The following ZFX variants were observed in gnomAD, a reference collection of about 807,000 sequenced individuals.
ZFX encodes the protein zinc finger X-chromosomal protein.
For synonymous variants in ZFX, 196 were observed against 226.8 expected (o/e 0.86, Z 1.22); for missense variants, 362 against 628.3 (o/e 0.58, Z 4.53).
Position 24,211,553 on chromosome X carries a change from G to A in ZFX, c.*177G>A. ...TACATTTTGCTCAGTAGTGTGTTCT[G>A]AATTCTATTCAGTTTGTTTAATAAA... On this transcript the variant is annotated 3_prime_UTR_variant, in exon 10 of 10. Transcript: ENST00000304543. 2 of 517,284 alleles carry A rather than the reference G, an allele frequency of 3.9e-6. No homozygotes were observed. Among genetic ancestry groups the A allele is most frequent in the Non-Finnish European group, 6.0e-6 (2 of 331,059 alleles). 42.6% of individuals were successfully genotyped at this position (517,284 alleles called of 1,213,427 possible).
chrX:24,162,154 G>A (rs1248348703), intron 3 of ZFX, among the ~76,000 whole-genome samples: 1 of 111,649 alleles, frequency 9.0e-6, no homozygotes, highest in Non-Finnish European at 1.9e-5. Context: ...CTTGAACCTG[G>A]GAGGCAGAGG....
rs1193235446 is a variant in ZFX, at chrX:24,213,915, T to G, written c.*2539T>G. The G allele has an allele frequency of 3.6e-5, 4 of 111,134 alleles. No individual in the cohort carries two copies. The highest frequency in any genetic ancestry group is 1.3e-4 in the African/African-American group (4 of 30,488). 9.2% of individuals were successfully genotyped at this position (111,134 alleles called of 1,213,427 possible). ...GATTGGGTCATTTAACTATATTTTT[T>G]TAAATAAACTGAAAGATAAAGAACA... On this transcript the variant is annotated 3_prime_UTR_variant, in exon 10 of 10. Transcript: ENST00000304543.
chrX:24,215,098 C>T lies in ZFX; in HGVS notation c.*3722C>T, dbSNP rs1179293869. On this transcript the variant is annotated 3_prime_UTR_variant, in exon 10 of 10. Coordinates refer to ENST00000304543, the MANE Select transcript of ZFX (RefSeq NM_003410.4). ...ATAAATTAAAATTTTAGGTAAATGA[C>T]GAAGGGAATGTGGTGAATGTCACTG... 1.8e-5 allele frequency: 2 copies of T among 111,511 alleles called. No homozygotes were observed. The highest frequency in any genetic ancestry group is 6.5e-5 in the African/African-American group (2 of 30,663). 9.2% of individuals were successfully genotyped at this position (111,511 alleles called of 1,213,427 possible). A position where few individuals can be genotyped will look rare whatever the true frequency, so the allele number is the denominator to read the frequency against.
rs760993473 is a variant in ZFX at position 24,210,740 on chromosome X, T to C, written c.1782T>C (p.His594=). 2.5e-6 allele frequency: 3 copies of C among 1,211,787 alleles called. No homozygotes were observed. Among genetic ancestry groups the C allele is most frequent in the East Asian group, 3.0e-5 (1 of 33,848 alleles). The change falls in exon 10 of 10, where the codon CAT becomes CAC. Residue 594 remains histidine, a synonymous_variant. Transcript: ENST00000304543. ...RSADSSNLKT[H]VKTKHSKEMP... ...CAGACTCTTCTAACTTGAAAACGCA[T>C]GTCAAAACTAAGCATAGTAAAGAGA... is the stretch of plus-strand genomic sequence containing the variant.
chrX:24,195,498 G>A (rs2147891702), intron 5 of ZFX, among the ~76,000 whole-genome samples: 1 of 110,978 alleles, frequency 9.0e-6, no homozygotes, highest in South Asian at 3.9e-4. Context: ...GACTACAGAT[G>A]CCCACCACCA....
chrX:24,161,327 A>G (rs1348297437), intron 3 of ZFX, among the ~76,000 whole-genome samples: 1 of 112,352 alleles, frequency 8.9e-6, no homozygotes, highest in Non-Finnish European at 1.9e-5. Context: ...ATTCAGTGCA[A>G]TCGCAATAAA....
At chrX:24,171,904 AGGAGAGAGAGAGAGAG>A (rs1287522015) in intron 3 of ZFX, among the ~76,000 whole-genome samples, 18 of 97,287 alleles carry the variant, frequency 1.9e-4, no homozygotes, top group African/African-American at 6.0e-4. Context: ...CAGAGAGAGA[AGGAGAGAGAGAGAGAG>A]AGAGAGAGAG....
rs1932343404 is a variant in ZFX, at chrX:24,152,843, T to A, written c.-29+13T>A. The A allele has an allele frequency of 8.9e-6, 1 of 112,647 alleles. No homozygotes were observed. The highest frequency in any genetic ancestry group is 9.4e-5 in the Admixed American group (1 of 10,670). 9.3% of individuals were successfully genotyped at this position (112,647 alleles called of 1,213,427 possible). On this transcript the variant is annotated intron_variant, in intron 3 of 9. Coordinates refer to ENST00000304543, the MANE Select transcript of ZFX (RefSeq NM_003410.4). ...GTGATTAAGACAGGTAAGTGTGTAG[T>A]TTAGTTTCAATTAGAAATGGTTAAA...
intron 4 of ZFX, among the ~76,000 whole-genome samples, chrX:24,174,375 T>C (rs188229490): frequency 0.036 from 3,782 of 106,198 alleles, 159 homozygotes; most frequent in African/African-American, 0.12. Flanking sequence ...GGAAATTAAA[T>C]GTCAGTGATT....
At chrX:24,196,414 A>G (rs915280719) in intron 5 of ZFX, among the ~76,000 whole-genome samples, 5 of 112,009 alleles carry the variant, frequency 4.5e-5, no homozygotes, top group African/African-American at 1.6e-4. Context: ...CGCCCAGCCA[A>G]TCCATGTATG....
chrX:24,171,235 A>G (rs1000961641), intron 3 of ZFX, among the ~76,000 whole-genome samples: 1 of 111,434 alleles, frequency 9.0e-6, no homozygotes, highest in African/African-American at 3.3e-5. Flanking sequence ...TTTGTGGGGA[A>G]GGAGATTTAG....
intron 8 of ZFX, among the ~76,000 whole-genome samples, chrX:24,208,677 A>G (rs1017484688): frequency 1.8e-5 from 2 of 111,593 alleles, no homozygotes; most frequent in Admixed American, 9.5e-5. Context: ...AAGGGAGTCC[A>G]TGGCGCAAAA....
Position 24,200,255 on chromosome X carries a change from AAG to A in ZFX, c.647-7068_647-7067del, listed in dbSNP as rs762631948. Among the ~76,000 whole-genome samples, 3 of 111,512 alleles carry A rather than the reference AAG, an allele frequency of 2.7e-5. No homozygotes were observed. The East Asian group carries it at 8.5e-4, about 32-fold the overall frequency. On this transcript the variant is annotated intron_variant, in intron 5 of 9. Transcript: ENST00000304543. ...TTTGAGGGGAGATGAGAATAGGGAAAAGAGGAGAGAACAGAAAGTAGCAGAAA... is the reference window on the plus strand; with the variant it reads ...TTTGAGGGGAGATGAGAATAGGGAAAAGGAGAGAACAGAAAGTAGCAGAAA...
chrX:24,185,790 G>A (rs951372040), intron 5 of ZFX, among the ~76,000 whole-genome samples: 1 of 111,640 alleles, frequency 9.0e-6, no homozygotes, highest in Admixed American at 9.5e-5. Flanking sequence ...TTGAGGTCGG[G>A]CACAATGGCT....
chrX:24,196,720 C>T (rs1201790967), intron 5 of ZFX, among the ~76,000 whole-genome samples: 1 of 111,186 alleles, frequency 9.0e-6, no homozygotes, highest in Non-Finnish European at 1.9e-5. Context: ...GCCTCAGCCT[C>T]CTGTGGAGCT....
At chrX:24,197,850 A>G (rs975049619) in intron 5 of ZFX, among the ~76,000 whole-genome samples, 3 of 112,183 alleles carry the variant, frequency 2.7e-5, no homozygotes, top group African/African-American at 9.7e-5. Flanking sequence ...TTTTGTACTC[A>G]GCCAATTCAT....
In ZFX at chrX:24,211,381, A is replaced by G; in HGVS notation, c.*5A>G. 8.3e-7 allele frequency: 1 copy of G among 1,211,237 alleles called. No individual in the cohort carries two copies. Among genetic ancestry groups the G allele is most frequent in the Non-Finnish European group, 1.1e-6 (1 of 894,981 alleles). ...AAAGAAGTTGGCCTGCCCTAACAAT[A>G]CTTCTACAGAACGTTTGTAGAGATA... is the stretch of plus-strand genomic sequence containing the variant. On this transcript the variant is annotated 3_prime_UTR_variant, in exon 10 of 10. Transcript: ENST00000304543.
At chrX:24,206,547 G>A (rs34177050) in intron 5 of ZFX, among the ~76,000 whole-genome samples, 797 of 72,905 alleles carry the variant, frequency 0.011, 14 homozygotes, top group African/African-American at 0.047. Context: ...GTGTGTGTGT[G>A]TGTATTTTTT....
At chrX:24,197,516 A>G (rs1469053589) in intron 5 of ZFX, among the ~76,000 whole-genome samples, 1 of 111,846 alleles carries the variant, frequency 8.9e-6, no homozygotes, top group African/African-American at 3.3e-5. Context: ...GTAAGAAAAT[A>G]AAATTGTGAA....
Sources: allele counts gnomAD v4.1 joint callset (sites outside exome capture counted in the v4.1 genomes callset), GRCh38; gene constraint gnomAD v4.1.1; transcripts MANE v1.5; gene names NCBI Gene and HGNC (gene_info 2026-07-23, HGNC 2026-07-21).